The following NOL8 variants were observed in gnomAD, a reference collection of about 807,000 sequenced individuals.
NOL8 encodes nucleolar protein Nop132.
In NOL8, 93 loss-of-function variants were observed where a neutral mutation model predicts 116.1. The observed-to-expected ratio is 0.80, with a 90% CI of 0.68 to 0.95. The LOEUF (loss-of-function observed/expected upper bound fraction) is 0.95. NOL8 is among the 40% of genes least tolerant of loss of function. The pLI is 0.00. For synonymous variants in NOL8, 419 were observed against 469.0 expected, an observed-to-expected ratio of 0.89 and a Z score of 1.38; for missense variants, 1,291 against 1,382.8, an observed-to-expected ratio of 0.93 and a Z score of 1.05.
chr9:92,324,067 C>T lies in NOL8; in HGVS notation c.95G>A (p.Gly32Glu). The change falls in exon 2 of 17, where the codon GGA (glycine) becomes GAA (glutamate). Residue 32 changes from glycine to glutamate, a missense_variant. Physicochemically the swap from Gly to Glu is moderately conservative, Grantham distance 98 (BLOSUM62 -2). Transcript: ENST00000442668. ...ADLQNQFSRF[G>E]EVSDVEIITR... ...GATGATCTCCACATCCGAAACTTCTCCAAATCTGCTGAACTGATTTTGTAG... is the reference window on the plus strand; with the variant it reads ...GATGATCTCCACATCCGAAACTTCTTCAAATCTGCTGAACTGATTTTGTAG... 6.2e-7 allele frequency: 1 copy of T among 1,614,010 alleles called. No individual in the cohort carries two copies. The highest frequency in any genetic ancestry group is 8.5e-7 in the Non-Finnish European group (1 of 1,179,880).
chr9:92,304,412 C>T (rs1838039137), intron 12 of NOL8, among the ~76,000 whole-genome samples: 1 of 152,132 alleles, frequency 6.6e-6, no homozygotes, highest in South Asian at 2.1e-4. Flanking sequence ...TCAAACAGAA[C>T]TGCACTCAAG....
intron 10 of NOL8, among the ~76,000 whole-genome samples, chr9:92,309,571 C>T (rs1030834671): frequency 6.6e-6 from 1 of 151,882 alleles, no homozygotes; most frequent in African/African-American, 2.4e-5. Context: ...AAGCCAGCGA[C>T]GTAAGAGGTA....
rs1839237340 is a variant in NOL8 at position 92,315,002 on chromosome 9, AG to A, written c.1622del (p.Pro541LeufsTer9). On this transcript the variant is annotated frameshift_variant, in exon 7 of 17. Transcript: ENST00000442668. LOFTEE classifies it high-confidence loss of function. ...CTAACAGGGAAGCCACAATCTCCGC[AG>A]GACGAATACACTGTCGGCCTCTGCG... ...GLRRGRQCIR[P>X]AEIVASLLEG... is the part of the protein sequence containing the mutation. 1 of 1,613,928 alleles carries A rather than the reference AG, an allele frequency of 6.2e-7. No individual in the cohort carries two copies. Among genetic ancestry groups the A allele is most frequent in the Non-Finnish European group, 8.5e-7 (1 of 1,179,902 alleles).
chr9:92,304,154 T>C (rs1838011186), intron 12 of NOL8, among the ~76,000 whole-genome samples: 1 of 152,152 alleles, frequency 6.6e-6, no homozygotes. Flanking sequence ...TGCCAGCACT[T>C]ATGAAAAGAG....
intron 6 of NOL8, among the ~76,000 whole-genome samples, chr9:92,316,809 T>A (rs1442312519): frequency 6.6e-6 from 1 of 151,998 alleles, no homozygotes; most frequent in Non-Finnish European, 1.5e-5. Context: ...AATTAAAAAT[T>A]AAAAAAAATC....
chr9:92,324,235 C>T (rs1445790538), intron 1 of NOL8, 26 bp from the exon 2 acceptor site: 18 of 1,448,522 alleles, frequency 1.2e-5, no homozygotes, highest in Non-Finnish European at 1.6e-5. Context: ...AGTTCTTTCC[C>T]TTAGTTCTTC....
intron 6 of NOL8, among the ~76,000 whole-genome samples, chr9:92,317,689 A>T (rs1396521061): frequency 6.6e-6 from 1 of 152,124 alleles, no homozygotes; most frequent in Non-Finnish European, 1.5e-5. Flanking sequence ...TCTGTTTCAA[A>T]TACCTGCTAC....
chr9:92,301,707 T>C lies in NOL8; in HGVS notation c.3019A>G (p.Thr1007Ala), dbSNP rs1340000218. 5 of 1,608,236 alleles carry C rather than the reference T, an allele frequency of 3.1e-6. No individual in the cohort carries two copies. The African/African-American group carries it at 4.0e-5, about 13-fold the overall frequency. Reference protein sequence around the residue: ...LKEIFQTTKYTSEKEEGTPWN... With the variant: ...LKEIFQTTKYASEKEEGTPWN... ...GGTGTGCCCTCTTCCTTTTCACTGG[T>C]ATATTTTGTAGTTTGGAATATTTCT... The change falls in exon 13 of 17, where the codon ACC becomes GCC. Residue 1007 changes from threonine (T) to alanine (A), a missense_variant. Thr to Ala is a moderately conservative substitution (Grantham distance 58). Transcript: ENST00000442668.
Position 92,323,192 on chromosome 9 carries a change from C to T in NOL8, c.202+249G>A, listed in dbSNP as rs1031114926. On this transcript the variant is annotated intron_variant, in intron 3 of 16. Transcript: ENST00000442668. The stretch of plus-strand genomic sequence containing the variant: ...AGGCAGTTTCTATGAAAGTTTGGTC[C>T]CTTGTCCAAAATATTTGAGAATAGC... 5.1e-6 allele frequency: 5 copies of T among 972,114 alleles called. No homozygotes were observed. The African/African-American group carries it at 8.3e-5, about 16-fold the overall frequency. 60.2% of individuals were successfully genotyped at this position (972,114 alleles called of 1,614,324 possible). A position where few individuals can be genotyped will look rare whatever the true frequency, so the allele number is the denominator to read the frequency against.
rs769871510 is a variant in NOL8, at chr9:92,315,105, T to C, written c.1520A>G (p.Lys507Arg). The C allele has an allele frequency of 1.9e-6, 3 of 1,614,022 alleles. No homozygotes were observed. Among genetic ancestry groups the C allele is most frequent in the East Asian group, 2.2e-5 (1 of 44,878 alleles). Residue 507 changes from lysine (K) to arginine (R), a missense_variant, in exon 7 of 17, where the codon AAG (lysine) becomes AGG (arginine). By Grantham distance (26) the Lys-to-Arg change is conservative. Transcript: ENST00000442668. ...GGTGGTGGTTTCTGGTCCATCACTC[T>C]TAGTATCTTCATTTGGAACCTTCAG... ...SDLKVPNEDT[K>R]SDGPETTTQC...
rs772173107 is a variant in NOL8, at chr9:92,299,884, G to A, written c.3302+6C>T. 8.1e-6 allele frequency: 13 copies of A among 1,611,872 alleles called. No individual in the cohort carries two copies. The East Asian group carries it at 2.7e-4, about 33-fold the overall frequency. ...AACTATGCCTGCAAAGAAACAAATTGTTTACCCAGGACTGGAGTTTCTGTG... is the reference window on the plus strand; with the variant it reads ...AACTATGCCTGCAAAGAAACAAATTATTTACCCAGGACTGGAGTTTCTGTG... On this transcript the variant is annotated splice_donor_region_variant and intron_variant, in intron 14 of 16. Transcript: ENST00000442668.
chr9:92,310,282 C>T (rs778051602), intron 9 of NOL8, 21 bp from the exon 10 acceptor site: 35 of 1,583,986 alleles, frequency 2.2e-5, no homozygotes, highest in Non-Finnish European at 2.8e-5. Context: ...AGAAAACATA[C>T]ATAATTGATA....
At chr9:92,300,444 C>T in intron 13 of NOL8, 1 of 987,828 alleles carries the variant, frequency 1.0e-6, no homozygotes, top group Admixed American at 6.1e-5. Context: ...TTTTCAATAC[C>T]CAAAACTTTT....
Position 92,309,196 on chromosome 9 carries a change from T to C in NOL8, c.2686+975A>G, listed in dbSNP as rs1838542513. ...GTTTCCTGAAACAGTCCAACACTGT[T>C]AATAATCACCTCAAAGAATTGAGAA... On this transcript the variant is annotated intron_variant, in intron 10 of 16. Coordinates refer to ENST00000442668, the MANE Select transcript of NOL8 (RefSeq NM_017948.6). Among the ~76,000 whole-genome samples, 7 of 152,338 alleles carry C rather than the reference T, an allele frequency of 4.6e-5. No homozygotes were observed. The South Asian group carries it at 1.5e-3, about 32-fold the overall frequency.
intron 13 of NOL8, 188 bp from the exon 14 acceptor site, chr9:92,300,204 GC>G (rs1210970464): frequency 1.3e-5 from 16 of 1,247,194 alleles, no homozygotes; most frequent in Non-Finnish European, 1.6e-5. Context: ...ATTTTCAGAA[GC>G]CACTATCATA....
At chr9:92,311,338 A>G (rs1228558741) in intron 7 of NOL8, 79 bp from the exon 8 acceptor site, 1 of 972,566 alleles carries the variant, frequency 1.0e-6, no homozygotes, top group Non-Finnish European at 1.6e-6. Flanking sequence ...CAAAATCCAA[A>G]ATTGACAAGT....
At chr9:92,318,515 C>T (rs1355510804) in intron 6 of NOL8, 103 bp downstream of exon 6, 7 of 837,898 alleles carry the variant, frequency 8.4e-6, no homozygotes, top group Non-Finnish European at 1.3e-5. Flanking sequence ...AACACGCAAA[C>T]AAACACCTAA....
chr9:92,315,434 ACT>A lies in NOL8; in HGVS notation c.1189_1190del (p.Ser397TyrfsTer18), dbSNP rs747473385. ...ATTTTTCCATTTGTGAAAATTCTGT[ACT>A]GTTTTTGACCTTAGCAACATTTTTT... ...MKKNVAKVKN[S>X]TEFSQMEKST... On this transcript the variant is annotated frameshift_variant, in exon 7 of 17. Transcript: ENST00000442668. LOFTEE classifies it high-confidence loss of function. 5.0e-6 allele frequency: 8 copies of A among 1,590,994 alleles called. No homozygotes were observed. Among genetic ancestry groups the A allele is most frequent in the Non-Finnish European group, 6.0e-6 (7 of 1,167,280 alleles).
At chr9:92,303,661 C>G (rs964850386) in intron 12 of NOL8, among the ~76,000 whole-genome samples, 1 of 151,736 alleles carries the variant, frequency 6.6e-6, no homozygotes, top group Non-Finnish European at 1.5e-5. Flanking sequence ...AACTGTTACC[C>G]AGGAACAGTG....
Sources: gnomAD v4.1 joint callset for allele counts (sites outside exome capture counted in the v4.1 genomes callset) on GRCh38, gnomAD v4.1.1 for gene constraint, MANE v1.5 for transcripts, NCBI Gene and HGNC (gene_info 2026-07-23, HGNC 2026-07-21) for gene names.